Variants in CTSE observed in about 807,000 individuals in gnomAD.
CTSE encodes the protein erythrocyte membrane aspartic proteinase.
CTSE carries 43 observed loss-of-function variants against 42.8 expected under a neutral mutation model. The observed-to-expected ratio is 1.01, with a 90% confidence interval of 0.79 to 1.30. The LOEUF is 1.30. Ranked by LOEUF, CTSE falls within the 50% of genes most tolerant of loss-of-function variation. The probability of loss-of-function intolerance (pLI) is 0.00; values close to 1 mark genes in which losing one functional copy is unlikely to be tolerated. For synonymous variants in CTSE, 205 were observed against 191.5 expected (o/e 1.07, Z -0.58); for missense variants, 532 against 493.5 (o/e 1.08, Z -0.74).
chr1:206,015,047 C>A, intron 5 of CTSE, among the ~76,000 whole-genome samples: 2 of 152,156 alleles, frequency 1.3e-5, no homozygotes, highest in South Asian at 4.1e-4. Flanking sequence ...GAGGAGATGA[C>A]CCTCCAAGGA....
Position 206,010,175 on chromosome 1 carries a change from G to C in CTSE, c.*8C>G. The C allele has an allele frequency of 6.2e-7, 1 of 1,613,556 alleles. No homozygotes were observed. The highest frequency in any genetic ancestry group is 8.5e-7 in the Non-Finnish European group (1 of 1,179,740). ...TCAGACAGGCAGGCACAGACACAAG[G>C]CCCCTCCTTAGGGGACTGCTGGGGC... On this transcript the variant is annotated 3_prime_UTR_variant, in exon 9 of 9. Coordinates refer to ENST00000358184, the MANE Select transcript of CTSE (RefSeq NM_001910.4).
intron 1 of CTSE, among the ~76,000 whole-genome samples, chr1:206,023,392 T>G (rs1012067467): frequency 2.6e-5 from 4 of 151,876 alleles, no homozygotes; most frequent in Admixed American, 6.6e-5. Context: ...GAAAAACTCT[T>G]GGGGACAGTG....
chr1:206,015,426 T>C (rs1382530884), intron 5 of CTSE, among the ~76,000 whole-genome samples: 1 of 152,180 alleles, frequency 6.6e-6, no homozygotes, highest in Admixed American at 6.5e-5. Flanking sequence ...CTTAGCATTA[T>C]GTCCTCAAGT....
chr1:206,014,765 C>A lies in CTSE; in HGVS notation c.663-871G>T, dbSNP rs77146038. On this transcript the variant is annotated intron_variant, in intron 5 of 8. Coordinates refer to ENST00000358184, the MANE Select transcript of CTSE (RefSeq NM_001910.4). ...CCTTGATATTCTCCATTACAGCCCA[C>A]TTTTCCCAGGCGACGGGAGAAGGAA... 1.7e-3 allele frequency among the ~76,000 whole-genome samples: 259 copies of A among 152,206 alleles called. 2 individuals are homozygous for A. Among genetic ancestry groups the A allele is most frequent in the Non-Finnish European group, 2.6e-3 (177 of 68,002 alleles).
rs1553277705 is a variant in CTSE at position 206,016,111 on chromosome 1, A to G, written c.482T>C (p.Val161Ala). 1 of 1,613,884 alleles carries G rather than the reference A, an allele frequency of 6.2e-7. No individual in the cohort carries two copies. The change falls in exon 5 of 9, where the codon GTT (valine) becomes GCT (alanine). Residue 161 changes from valine to alanine, a missense_variant. Transcript: ENST00000358184. The stretch of plus-strand genomic sequence containing the variant: ...GACACTTTCTCCAAACTGCTGGCCA[A>G]CCACGGTTAGTCCTTCCACCTGGTA... Reference protein sequence around the residue: ...DQVSVEGLTVVGQQFGESVTE... With the variant: ...DQVSVEGLTVAGQQFGESVTE...
In CTSE at chr1:206,021,040, T is replaced by C. The variant is rs374391356; in HGVS notation, c.462+9A>G. ...TCCAAGAGAGAAAAAATGAAGGACT[T>C]GCACTCACAGAGACTTGGTCGGCTC... On this transcript the variant is annotated intron_variant, in intron 4 of 8. Transcript: ENST00000358184. 2 of 1,571,226 alleles carry C rather than the reference T, an allele frequency of 1.3e-6. No individual in the cohort carries two copies. The highest frequency in any genetic ancestry group is 1.8e-6 in the Non-Finnish European group (2 of 1,140,840).
intron 4 of CTSE, among the ~76,000 whole-genome samples, chr1:206,020,217 C>A (rs150035078): frequency 6.7e-6 from 1 of 149,682 alleles, no homozygotes; most frequent in South Asian, 2.1e-4. Context: ...TGTATACACA[C>A]GCATACATAG....
chr1:206,015,818 C>A, intron 5 of CTSE, 113 bp downstream of exon 5: 1 of 847,470 alleles, frequency 1.2e-6, no homozygotes. Flanking sequence ...GATCACACAG[C>A]TGGTAATGGA....
At chr1:206,023,151 A>ATTTTTTTT in intron 1 of CTSE, 94 bp from the exon 2 acceptor site, 1 of 457,994 alleles carries the variant, frequency 2.2e-6, no homozygotes, top group Non-Finnish European at 4.4e-6. Context: ...ACTAGAGAAG[A>ATTTTTTTT]TGGGGTGGGA....
Position 206,010,175 on chromosome 1 carries a change from G to A in CTSE, c.*8C>T, listed in dbSNP as rs114024582. Reference sequence around the variant, plus strand: ...TCAGACAGGCAGGCACAGACACAAGGCCCCTCCTTAGGGGACTGCTGGGGC... The same window carrying A: ...TCAGACAGGCAGGCACAGACACAAGACCCCTCCTTAGGGGACTGCTGGGGC... On this transcript the variant is annotated 3_prime_UTR_variant, in exon 9 of 9. Coordinates refer to ENST00000358184, the MANE Select transcript of CTSE (RefSeq NM_001910.4). The A allele has an allele frequency of 2.6e-3, 4,160 of 1,613,552 alleles. 95 individuals are homozygous for A. In the African/African-American group the frequency reaches 0.05, roughly 19 times the overall value.
rs573637314 is a variant in CTSE at position 206,013,433 on chromosome 1, A to G, written c.785+339T>C. Among the ~76,000 whole-genome samples, 325 of 152,082 alleles carry G rather than the reference A, an allele frequency of 2.1e-3. 2 individuals carry two copies. Among genetic ancestry groups the G allele is most frequent in the African/African-American group, 7.4e-3 (306 of 41,522 alleles). On this transcript the variant is annotated intron_variant, in intron 6 of 8. Coordinates refer to ENST00000358184, the MANE Select transcript of CTSE (RefSeq NM_001910.4). ...CATCTTCTGTACAAGTTTTTTGAGG[A>G]CAAGATCTGAGCCCAATTCACCTGT...
chr1:206,021,500 A>C, intron 3 of CTSE: 1 of 266,636 alleles, frequency 3.8e-6, no homozygotes, highest in Non-Finnish European at 7.1e-6. Context: ...TTCAAAAGAA[A>C]CTCAGGGATA....
chr1:206,011,246 A>G (rs1553276899), intron 8 of CTSE, among the ~76,000 whole-genome samples: 1 of 151,828 alleles, frequency 6.6e-6, no homozygotes, highest in African/African-American at 2.4e-5. Context: ...TAAAAGAACC[A>G]CTCACCATAC....
At chr1:206,019,508 G>A (rs1437340156) in intron 4 of CTSE, among the ~76,000 whole-genome samples, 2 of 151,882 alleles carry the variant, frequency 1.3e-5, no homozygotes, top group African/African-American at 4.8e-5. Flanking sequence ...TGACATTGCT[G>A]TGGGCTTGGC....
chr1:206,010,000 T>C lies in CTSE; in HGVS notation c.*183A>G. On this transcript the variant is annotated 3_prime_UTR_variant, in exon 9 of 9. Transcript: ENST00000358184. ...GTGGGAGTGGTGTGTATGTGTGAAG[T>C]GTGTGTGTGTGTATATGTGTGTGTG... 3.8e-6 allele frequency: 2 copies of C among 522,112 alleles called. No individual in the cohort carries two copies. The highest frequency in any genetic ancestry group is 6.9e-6 in the Non-Finnish European group (2 of 290,220). The allele number at this position is 522,112 out of a possible 1,614,324, so 32.3% of individuals were successfully genotyped here.
At position 206,010,364 on chromosome 1, in the gene CTSE, A is replaced by C; in HGVS notation, c.1027-17T>G. On this transcript the variant is annotated splice_polypyrimidine_tract_variant and intron_variant, in intron 8 of 8. Transcript: ENST00000358184. ...CACGAAGTCCTGTGGGTTGGAAAGA[A>C]GGATGCAAATGACAAACGGGGGAAG... 8.1e-6 allele frequency: 13 copies of C among 1,607,952 alleles called. No individual in the cohort carries two copies. Among genetic ancestry groups the C allele is most frequent in the Non-Finnish European group, 6.8e-6 (8 of 1,174,870 alleles).
chr1:206,020,660 C>A (rs1372151558), intron 4 of CTSE, among the ~76,000 whole-genome samples: 1 of 152,078 alleles, frequency 6.6e-6, no homozygotes, highest in African/African-American at 2.4e-5. Flanking sequence ...ATTGGACTCC[C>A]ATTTCAGACC....
Position 206,021,213 on chromosome 1 carries a change from C to A in CTSE, c.344-46G>T, listed in dbSNP as rs564037645. Reference sequence around the variant, plus strand: ...CTTGCTTATGCCATCGGCTCACTGGCTGCATCCCTGCCCTAATGCCACCCA... The same window carrying A: ...CTTGCTTATGCCATCGGCTCACTGGATGCATCCCTGCCCTAATGCCACCCA... On this transcript the variant is annotated intron_variant, in intron 3 of 8. Transcript: ENST00000358184. The A allele has an allele frequency of 5.4e-5, 78 of 1,436,680 alleles. No individual in the cohort carries two copies. In the South Asian group the frequency reaches 8.8e-4, roughly 16 times the overall value. The allele number at this position is 1,436,680 out of a possible 1,614,324, so 89.0% of individuals were successfully genotyped here.
rs782030094 is a variant in CTSE, at chr1:206,016,017, C to CAAGG, written c.572_575dup (p.Leu192PhefsTer12). 4.2e-5 allele frequency: 67 copies of CAAGG among 1,613,730 alleles called. No homozygotes were observed. Among genetic ancestry groups the CAAGG allele is most frequent in the Non-Finnish European group, 5.7e-5 (67 of 1,179,826 alleles). ...ATACTGGAGTCACTCCTCCCACAGCCAAGGAGGGGTATCCCAGGCCCAGAA... is the reference window on the plus strand; with the variant it reads ...ATACTGGAGTCACTCCTCCCACAGCCAAGGAAGGAGGGGTATCCCAGGCCCAGAA... On this transcript the variant is annotated frameshift_variant, in exon 5 of 9. Transcript: ENST00000358184. LOFTEE classifies it high-confidence loss of function.
Sources: allele counts gnomAD v4.1 joint callset (sites outside exome capture counted in the v4.1 genomes callset), GRCh38; gene constraint gnomAD v4.1.1; transcripts MANE v1.5; gene names NCBI Gene and HGNC (gene_info 2026-07-23, HGNC 2026-07-21).